The following PDZRN4 variants were observed in gnomAD, a reference collection of about 807,000 sequenced individuals.
PDZRN4 encodes the protein PDZ domain-containing RING finger protein 4.
In PDZRN4, 70 loss-of-function variants were observed where a neutral mutation model predicts 99.0. The ratio of observed to expected loss-of-function variants is 0.71; its 90% CI spans 0.58 to 0.86. The LOEUF (loss-of-function observed/expected upper bound fraction) is 0.86. Among genes scored for constraint, PDZRN4 ranks in the 40% least tolerant of loss-of-function variants. The pLI, the probability that PDZRN4 is intolerant of heterozygous loss-of-function variation, is 0.00. For synonymous variants in PDZRN4, 551 were observed against 501.6 expected (o/e 1.10, Z -1.32); for missense variants, 1,474 against 1,331.2 (o/e 1.11, Z -1.67).
At chr12:41,509,517 T>G in intron 4 of PDZRN4, 1 of 187,530 alleles carries the variant, frequency 5.3e-6, no homozygotes, top group Non-Finnish European at 1.1e-5. Flanking sequence ...GGCCAGAAAG[T>G]ATCAATAAAG....
rs187126321 is a variant in PDZRN4 at position 41,572,922 on chromosome 12, G to A, written c.2143G>A (p.Asp715Asn). 13 of 1,614,152 alleles carry A rather than the reference G, an allele frequency of 8.1e-6. No individual in the cohort carries two copies. The East Asian group carries it at 2.7e-4, about 33-fold the overall frequency. The part of the protein sequence containing the change: ...GGFRNYNTSI[D>N]MQRGKLDDIM... ...ATTCCGGAATTATAACACCAGCATAGATATGCAAAGGGGAAAGCTAGATGA... is the reference window on the plus strand; with the variant it reads ...ATTCCGGAATTATAACACCAGCATAAATATGCAAAGGGGAAAGCTAGATGA... The change falls in exon 10 of 10, where the codon GAT becomes AAT. Residue 715 changes from aspartate (D) to asparagine (N), a missense_variant. Transcript: ENST00000402685.
At chr12:41,232,431 C>T (rs1343032607) in intron 3 of PDZRN4, among the ~76,000 whole-genome samples, 1 of 152,070 alleles carries the variant, frequency 6.6e-6, no homozygotes, top group Non-Finnish European at 1.5e-5. Flanking sequence ...AGCGGGTGTT[C>T]ATCGGCTGCA....
intron 3 of PDZRN4, among the ~76,000 whole-genome samples, chr12:41,235,865 C>G (rs1206424389): frequency 2.6e-4 from 40 of 152,112 alleles, no homozygotes; most frequent in Non-Finnish European, 2.9e-5. Context: ...TACCAGGCAT[C>G]AGCATTACGT....
intron 3 of PDZRN4, among the ~76,000 whole-genome samples, chr12:41,390,759 G>A (rs561285448): frequency 6.6e-6 from 1 of 152,166 alleles, no homozygotes; most frequent in South Asian, 2.1e-4. Context: ...GCAAGCTCCT[G>A]TGGTGCAAGC....
intron 3 of PDZRN4, among the ~76,000 whole-genome samples, chr12:41,292,002 G>A (rs1951459621): frequency 6.6e-6 from 1 of 152,160 alleles, no homozygotes; most frequent in Admixed American, 6.6e-5. Context: ...TAAAGGATCT[G>A]CATCCACCCA....
At position 41,285,724 on chromosome 12, in the gene PDZRN4, C is replaced by T. The variant is rs368046200; in HGVS notation, c.843+91536C>T. Among the ~76,000 whole-genome samples the T allele has an allele frequency of 9.1e-4, 139 of 152,118 alleles. 4 individuals are homozygous for T. The South Asian group carries it at 0.027, about 29-fold the overall frequency. ...CAGGGACATGGATGAAGCTGGAAACCATCATTCTCAGCAAACTAACACAAG... is the reference window on the plus strand; with the variant it reads ...CAGGGACATGGATGAAGCTGGAAACTATCATTCTCAGCAAACTAACACAAG... On this transcript the variant is annotated intron_variant, in intron 3 of 9. Coordinates refer to ENST00000402685, the MANE Select transcript of PDZRN4 (RefSeq NM_001164595.2).
At chr12:41,257,713 T>C (rs1951213064) in intron 3 of PDZRN4, among the ~76,000 whole-genome samples, 1 of 152,190 alleles carries the variant, frequency 6.6e-6, no homozygotes, top group African/African-American at 2.4e-5. Flanking sequence ...ATTGGGTCTT[T>C]CAATTGTGTT....
intron 3 of PDZRN4, among the ~76,000 whole-genome samples, chr12:41,270,305 GTGTGTGGTGTGTGTGTGTGTC>G (rs1375029846): frequency 1.1e-4 from 17 of 147,834 alleles, no homozygotes; most frequent in African/African-American, 3.8e-4. Context: ...GTGTGTCTGT[GTGTGTGGTGTGTGTGTGTGTC>G]TGTGTGTGTG....
intron 3 of PDZRN4, among the ~76,000 whole-genome samples, chr12:41,374,041 A>G (rs915921887): frequency 6.6e-6 from 1 of 152,146 alleles, no homozygotes; most frequent in Non-Finnish European, 1.5e-5. Flanking sequence ...CCCCAGACAG[A>G]GCATTATTAG....
At chr12:41,239,850 G>A (rs562098964) in intron 3 of PDZRN4, among the ~76,000 whole-genome samples, 1 of 152,262 alleles carries the variant, frequency 6.6e-6, no homozygotes, top group South Asian at 2.1e-4. Context: ...ATTTAAAAAG[G>A]CAAATGTTAA....
At chr12:41,379,222 T>A (rs1238380273) in intron 3 of PDZRN4, among the ~76,000 whole-genome samples, 7 of 150,608 alleles carry the variant, frequency 4.6e-5, no homozygotes, top group Admixed American at 4.6e-4. Context: ...TATAATTGTA[T>A]TTATTTGAGT....
intron 5 of PDZRN4, among the ~76,000 whole-genome samples, chr12:41,521,304 C>T (rs1938488522): frequency 6.6e-6 from 1 of 152,038 alleles, no homozygotes; most frequent in South Asian, 2.1e-4. Context: ...CTCTCTTGAG[C>T]ATACCAGGTT....
chr12:41,331,206 G>T (rs1261992211), intron 3 of PDZRN4, among the ~76,000 whole-genome samples: 3 of 152,046 alleles, frequency 2.0e-5, no homozygotes, highest in Non-Finnish European at 2.9e-5. Context: ...GAAGTAGCAG[G>T]TATATTTGGA....
intron 3 of PDZRN4, among the ~76,000 whole-genome samples, chr12:41,439,717 C>T (rs908733517): frequency 6.6e-6 from 1 of 152,076 alleles, no homozygotes; most frequent in Non-Finnish European, 1.5e-5. Flanking sequence ...CTGTACTCCT[C>T]CATATATTTA....
intron 3 of PDZRN4, among the ~76,000 whole-genome samples, chr12:41,415,560 C>A (rs767362809): frequency 6.6e-6 from 1 of 152,018 alleles, no homozygotes; most frequent in Non-Finnish European, 1.5e-5. Flanking sequence ...AGCTAACAAT[C>A]TTTGTTGTAA....
chr12:41,542,163 C>A (rs991113585), intron 5 of PDZRN4, among the ~76,000 whole-genome samples: 1 of 152,172 alleles, frequency 6.6e-6, no homozygotes, highest in African/African-American at 2.4e-5. Flanking sequence ...GTTGTTAACA[C>A]TCTCTTTTGA....
intron 3 of PDZRN4, among the ~76,000 whole-genome samples, chr12:41,252,191 T>C (rs947222397): frequency 1.3e-5 from 2 of 152,192 alleles, no homozygotes; most frequent in South Asian, 2.1e-4. Context: ...GGCAATGTCT[T>C]ATAAATACTT....
chr12:41,377,569 CAGG>C (rs1952091438), intron 3 of PDZRN4, among the ~76,000 whole-genome samples: 1 of 151,904 alleles, frequency 6.6e-6, no homozygotes. Flanking sequence ...GAGGCTGAAG[CAGG>C]AGAATGGTGT....
At chr12:41,479,100 A>G (rs1475405776) in intron 3 of PDZRN4, among the ~76,000 whole-genome samples, 1 of 152,192 alleles carries the variant, frequency 6.6e-6, no homozygotes, top group African/African-American at 2.4e-5. Flanking sequence ...ATCACAATTG[A>G]CAGGAAGAGT....
Sources: allele counts gnomAD v4.1 joint callset (sites outside exome capture counted in the v4.1 genomes callset), GRCh38; gene constraint gnomAD v4.1.1; transcripts MANE v1.5; gene names NCBI Gene and HGNC (gene_info 2026-07-23, HGNC 2026-07-21).